Variants in FRMD3 observed in about 807,000 individuals in gnomAD.
The protein encoded by FRMD3 is FERM domain containing 3.
A neutral mutation model predicts 70.2 loss-of-function variants in FRMD3; 33 were observed. The ratio of observed to expected loss-of-function variants is 0.47; its 90% confidence interval spans 0.36 to 0.63. The LOEUF (loss-of-function observed/expected upper bound fraction) is 0.63. Among genes scored for constraint, FRMD3 ranks in the 20% least tolerant of loss-of-function variants. The pLI, the probability that FRMD3 is intolerant of heterozygous loss-of-function variation, is 0.00. For synonymous variants in FRMD3, 279 were observed against 255.9 expected, an observed-to-expected ratio of 1.09 and a Z score of -0.86; for missense variants, 632 against 711.4, an observed-to-expected ratio of 0.89 and a Z score of 1.27.
rs1564096574 is a variant in FRMD3, at chr9:83,479,630, AGG to A, written c.147+58453_147+58454del. Among the ~76,000 whole-genome samples the A allele has an allele frequency of 6.9e-3, 243 of 35,200 alleles. 4 individuals are homozygous for A. The highest frequency in any genetic ancestry group is 0.013 in the Middle Eastern group (1 of 80). The allele number at this position is 35,200 out of a possible 152,430, so 23.1% of individuals were successfully genotyped here. A position where few individuals can be genotyped will look rare whatever the true frequency, so the allele number is the denominator to read the frequency against. ...GGATAGCAAGACCCTGAAGAAAGGAAGGAAGGAAGGAAGGAAGGAAGGAAGGA... is the reference window on the plus strand; with the variant it reads ...GGATAGCAAGACCCTGAAGAAAGGAAAAGGAAGGAAGGAAGGAAGGAAGGA... On this transcript the variant is annotated intron_variant, in intron 1 of 13. Transcript: ENST00000304195.
chr9:83,339,664 C>G (rs775240939), intron 5 of FRMD3, among the ~76,000 whole-genome samples: 6 of 152,160 alleles, frequency 3.9e-5, no homozygotes, highest in Non-Finnish European at 8.8e-5. Flanking sequence ...CAGGAGCCCT[C>G]CTGGGACACT....
At chr9:83,276,106 G>A (rs968883443) in intron 13 of FRMD3, 1 of 152,144 alleles carries the variant, frequency 6.6e-6, no homozygotes, top group African/African-American at 2.4e-5. Flanking sequence ...GATGTTCCAT[G>A]ACTTGGATAC....
Position 83,318,604 on chromosome 9 carries a change from C to T in FRMD3, c.597-4857G>A, listed in dbSNP as rs756619351. Among the ~76,000 whole-genome samples, 14 of 151,968 alleles carry T rather than the reference C, an allele frequency of 9.2e-5. No homozygotes were observed. The East Asian group carries it at 9.7e-4, about 10-fold the overall frequency. Reference sequence around the variant, plus strand: ...AGTGCTGTAATAAACATATGAGTGCCGGTATCTCTTTGATATGATGATTTA... The same window carrying T: ...AGTGCTGTAATAAACATATGAGTGCTGGTATCTCTTTGATATGATGATTTA... On this transcript the variant is annotated intron_variant, in intron 6 of 13. Coordinates refer to ENST00000304195, the MANE Select transcript of FRMD3 (RefSeq NM_174938.6).
chr9:83,471,874 A>G (rs1366410255), intron 1 of FRMD3, among the ~76,000 whole-genome samples: 1 of 152,008 alleles, frequency 6.6e-6, no homozygotes, highest in Non-Finnish European at 1.5e-5. Flanking sequence ...GTTGATCTGG[A>G]CTCCAGCTCT....
At position 83,535,463 on chromosome 9, in the gene FRMD3, T is replaced by C. The variant is rs922212669; in HGVS notation, c.147+2622A>G. Among the ~76,000 whole-genome samples the C allele has an allele frequency of 3.3e-5, 5 of 152,130 alleles. No individual in the cohort carries two copies. In the East Asian group the frequency reaches 5.8e-4, roughly 18 times the overall value. Reference sequence around the variant, plus strand: ...GGCTCCATAGGCAGCACTCCTGTAGTGAACAGGAGTGAACAACTAACACAT... The same window carrying C: ...GGCTCCATAGGCAGCACTCCTGTAGCGAACAGGAGTGAACAACTAACACAT... On this transcript the variant is annotated intron_variant, in intron 1 of 13. Transcript: ENST00000304195.
At chr9:83,407,996 G>A (rs1251352881) in intron 1 of FRMD3, among the ~76,000 whole-genome samples, 2 of 151,554 alleles carry the variant, frequency 1.3e-5, no homozygotes, top group African/African-American at 4.9e-5. Flanking sequence ...CACCATGGCA[G>A]TCTCCAGGAA....
chr9:83,481,958 T>C (rs1051538284), intron 1 of FRMD3, among the ~76,000 whole-genome samples: 1 of 48,036 alleles, frequency 2.1e-5, no homozygotes, highest in African/African-American at 1.2e-4. Flanking sequence ...TGCTGTTTCA[T>C]AACAAAAAAA....
intron 13 of FRMD3, among the ~76,000 whole-genome samples, chr9:83,256,746 C>A (rs778872779): frequency 4.3e-4 from 65 of 151,394 alleles, no homozygotes; most frequent in Non-Finnish European, 6.3e-4. Context: ...ATGTGGCCAA[C>A]AAACATATGA....
chr9:83,330,151 G>A (rs1836197067), intron 6 of FRMD3, among the ~76,000 whole-genome samples: 1 of 152,012 alleles, frequency 6.6e-6, no homozygotes, highest in Middle Eastern at 3.2e-3. Context: ...GATCACCTGA[G>A]GTTGGGAGTT....
chr9:83,295,148 A>T (rs1295911553), intron 12 of FRMD3, among the ~76,000 whole-genome samples: 11 of 152,204 alleles, frequency 7.2e-5, no homozygotes, highest in African/African-American at 2.7e-4. Context: ...TTCCTTTGGG[A>T]ACTACAATTA....
At chr9:83,332,802 T>C (rs1209790992) in intron 6 of FRMD3, among the ~76,000 whole-genome samples, 1 of 152,122 alleles carries the variant, frequency 6.6e-6, no homozygotes, top group Non-Finnish European at 1.5e-5. Context: ...AGAACAGCAG[T>C]TCGATGGCCA....
At chr9:83,355,417 C>A (rs1242596388) in intron 3 of FRMD3, among the ~76,000 whole-genome samples, 2 of 152,190 alleles carry the variant, frequency 1.3e-5, no homozygotes, top group Non-Finnish European at 2.9e-5. Flanking sequence ...CATCCTGGCC[C>A]TGTCTAATGT....
At chr9:83,467,501 C>T (rs1828160223) in intron 1 of FRMD3, 2 of 753,072 alleles carry the variant, frequency 2.7e-6, no homozygotes, top group Admixed American at 2.1e-5. Context: ...ATTTCACATC[C>T]CCTTCTAATT....
At chr9:83,300,847 C>G (rs1190836204) in intron 10 of FRMD3, among the ~76,000 whole-genome samples, 2 of 152,092 alleles carry the variant, frequency 1.3e-5, no homozygotes, top group Non-Finnish European at 2.9e-5. Flanking sequence ...GGACAGAGAG[C>G]CAGAATCCAA....
chr9:83,435,090 A>G (rs1827096199), intron 1 of FRMD3, among the ~76,000 whole-genome samples: 1 of 152,006 alleles, frequency 6.6e-6, no homozygotes, highest in Non-Finnish European at 1.5e-5. Flanking sequence ...CAGCCTCCCA[A>G]AGTGCTGGGA....
At chr9:83,466,470 C>A (rs2131449851) in intron 1 of FRMD3, among the ~76,000 whole-genome samples, 1 of 152,212 alleles carries the variant, frequency 6.6e-6, no homozygotes, top group African/African-American at 2.4e-5. Flanking sequence ...TCAGTTGCAC[C>A]TTTTTTGCTA....
At chr9:83,337,731 A>T (rs1239690283) in intron 5 of FRMD3, among the ~76,000 whole-genome samples, 1 of 152,230 alleles carries the variant, frequency 6.6e-6, no homozygotes, top group African/African-American at 2.4e-5. Context: ...CTTCATTGTC[A>T]CATCATCCAA....
At chr9:83,462,116 A>C (rs1827993753) in intron 1 of FRMD3, among the ~76,000 whole-genome samples, 1 of 152,218 alleles carries the variant, frequency 6.6e-6, no homozygotes, top group Non-Finnish European at 1.5e-5. Flanking sequence ...GTCTGTCTTC[A>C]TTTGTGAAAT....
At position 83,343,186 on chromosome 9, in the gene FRMD3, T is replaced by G; in HGVS notation, c.472+4A>C. On this transcript the variant is annotated splice_donor_region_variant and intron_variant, in intron 5 of 13. Coordinates refer to ENST00000304195, the MANE Select transcript of FRMD3 (RefSeq NM_174938.6). ...TGGCGTGGGTGAGCTGTGGCCAGAC[T>G]TACCTTGAACAATACAGGCACCCAG... 1 of 1,607,854 alleles carries G rather than the reference T, an allele frequency of 6.2e-7. No individual in the cohort carries two copies. The highest frequency in any genetic ancestry group is 1.1e-5 in the South Asian group (1 of 90,974).
Sources: allele counts gnomAD v4.1 joint callset (sites outside exome capture counted in the v4.1 genomes callset), GRCh38; gene constraint gnomAD v4.1.1; transcripts MANE v1.5; gene names NCBI Gene and HGNC (gene_info 2026-07-23, HGNC 2026-07-21).